Variants in ATP8B3 observed in about 807,000 individuals in gnomAD.
The protein encoded by ATP8B3 is phospholipid-transporting ATPase IK.
In ATP8B3, 141 loss-of-function variants were observed where a neutral mutation model predicts 140.9. That is an observed-to-expected ratio of 1.00 (90% confidence interval 0.87 to 1.15). ATP8B3 has a LOEUF of 1.15. Among genes scored for constraint, ATP8B3 ranks in the 50% most tolerant of loss-of-function variants. The pLI is 0.00. For synonymous variants in ATP8B3, 765 were observed against 714.6 expected (o/e 1.07, Z -1.13); for missense variants, 1,874 against 1,740.6 (o/e 1.08, Z -1.36).
chr19:1,783,327 T>C, intron 28 of ATP8B3, 57 bp from the exon 29 acceptor site: 1 of 1,558,372 alleles, frequency 6.4e-7, no homozygotes, highest in South Asian at 1.2e-5. Context: ...CTGATGGCTC[T>C]CAGGTCCCCC....
At chr19:1,787,301 C>A in intron 24 of ATP8B3, 115 bp from the exon 25 acceptor site, 102 of 683,764 alleles carry the variant, frequency 1.5e-4, no homozygotes, top group Middle Eastern at 3.2e-4. Context: ...GAGTTACACT[C>A]AAGGTTGGGG....
In ATP8B3 at chr19:1,807,121, A is replaced by G; in HGVS notation, c.615+47T>C. The G allele has an allele frequency of 6.6e-7, 1 of 1,520,452 alleles. No individual in the cohort carries two copies. The highest frequency in any genetic ancestry group is 9.1e-7 in the Non-Finnish European group (1 of 1,098,794). 94.2% of individuals were successfully genotyped at this position (1,520,452 alleles called of 1,614,324 possible). On this transcript the variant is annotated intron_variant, in intron 6 of 28. Coordinates refer to ENST00000310127, the MANE Select transcript of ATP8B3 (RefSeq NM_138813.4). The surrounding 1 kb of genome is among the most constrained non-coding windows in gnomAD (Gnocchi z 5.9). ...GCCCAGGGATCAAGAGACCCCCCCG[A>G]CCGGCCCCGCTCCCTCCCCCAGGCA...
rs1253822145 is a variant in ATP8B3, at chr19:1,794,529, G to T, written c.2055+1346C>A. Among the ~76,000 whole-genome samples the T allele has an allele frequency of 6.6e-6, 1 of 151,686 alleles. No homozygotes were observed. The highest frequency in any genetic ancestry group is 2.4e-5 in the African/African-American group (1 of 41,396). ...CCCCAGGCTGGACGCAGAATCCTCTGGCCCTGTAGGGTCAGGGCTGGACCA... is the reference window on the plus strand; with the variant it reads ...CCCCAGGCTGGACGCAGAATCCTCTTGCCCTGTAGGGTCAGGGCTGGACCA... On this transcript the variant is annotated intron_variant, in intron 18 of 28. Transcript: ENST00000310127. This position sits in a 1 kb window ranked among gnomAD's most constrained non-coding sequence, Gnocchi z 4.8.
At position 1,785,689 on chromosome 19, in the gene ATP8B3, C is replaced by T; in HGVS notation, c.3173G>A (p.Ser1058Asn). Residue 1058 changes from serine to asparagine, a missense_variant, in exon 26 of 29, where the codon AGC (serine) becomes AAC (asparagine). Coordinates refer to ENST00000310127, the MANE Select transcript of ATP8B3 (RefSeq NM_138813.4). Reference sequence around the variant, plus strand: ...CACGTACAGCTCCGGCTTCTCCAGGCTCTGCTCTGCGCTCACGTCCTTGGG... The same window carrying T: ...CACGTACAGCTCCGGCTTCTCCAGGTTCTGCTCTGCGCTCACGTCCTTGGG... ...LFEQDVSAEQ[S>N]LEKPELYVVG... The T allele has an allele frequency of 6.2e-7, 1 of 1,609,340 alleles. No homozygotes were observed. The highest frequency in any genetic ancestry group is 1.1e-5 in the South Asian group (1 of 90,344).
Position 1,801,983 on chromosome 19 carries a change from G to A in ATP8B3, c.1125C>T (p.Asp375=), listed in dbSNP as rs941523614. The A allele has an allele frequency of 3.1e-6, 5 of 1,612,674 alleles. No homozygotes were observed. Among genetic ancestry groups the A allele is most frequent in the South Asian group, 2.2e-5 (2 of 91,060 alleles). The stretch of plus-strand genomic sequence containing the variant: ...CAACCACCAGCTTGTTCATCAGGAG[G>A]TCCAGCTTGGTTCTCTTCAAATGGA... ...GKIHLKRTKL[D]LLMNKLVVVI... Residue 375 remains aspartate (D), a synonymous_variant, in exon 12 of 29, where the codon GAC becomes GAT. Transcript: ENST00000310127.
In ATP8B3 at chr19:1,809,688, C is replaced by T. The variant is rs762113658; in HGVS notation, c.357G>A (p.Gln119=). The part of the protein sequence containing the change: ...VQANNRAYNG[Q]FKEKVILCWQ... ...AGCACAGGATCACCTTCTCCTTGAA[C>T]TGCCCGTTGTAGGCACGGTTGTTGG... The change falls in exon 4 of 29, where the codon CAG becomes CAA. Residue 119 remains glutamine, a synonymous_variant. Coordinates refer to ENST00000310127, the MANE Select transcript of ATP8B3 (RefSeq NM_138813.4). 34 of 1,611,600 alleles carry T rather than the reference C, an allele frequency of 2.1e-5. No homozygotes were observed. The highest frequency in any genetic ancestry group is 2.8e-5 in the Non-Finnish European group (33 of 1,179,244).
intron 18 of ATP8B3, among the ~76,000 whole-genome samples, chr19:1,792,915 A>C (rs1439592787): frequency 2.8e-5 from 1 of 35,586 alleles, no homozygotes; most frequent in Admixed American, 3.0e-4. Context: ...ATTCTGTTTC[A>C]AAAAAAAAAA....
intron 3 of ATP8B3, among the ~76,000 whole-genome samples, chr19:1,810,400 A>G (rs2018612): frequency 0.85 from 128,716 of 152,194 alleles, 54,524 homozygotes; most frequent in Middle Eastern, 0.89. Flanking sequence ...CCAAGTAGCT[A>G]GAATTACAGG....
In ATP8B3 at chr19:1,792,007, C is replaced by T. The variant is rs750208415; in HGVS notation, c.2184G>A (p.Leu728=). 35 of 1,438,316 alleles carry T rather than the reference C, an allele frequency of 2.4e-5. No homozygotes were observed. In the South Asian group the frequency reaches 4.2e-4, roughly 17 times the overall value. The allele number at this position is 1,438,316 out of a possible 1,614,324, so 89.1% of individuals were successfully genotyped here. A position where few individuals can be genotyped will look rare whatever the true frequency, so the allele number is the denominator to read the frequency against. Residue 728 remains leucine, a synonymous_variant, in exon 19 of 29, where the codon CTG becomes CTA. Transcript: ENST00000310127. ...GCTCCATCTCGTTGTACACCTGTTG[C>T]AGGGCCTGTGCCCGGTTCTGCAGCA... is the stretch of plus-strand genomic sequence containing the variant. ...SLLLQNRAQA[L]QQLLGATAIE... is the part of the protein sequence containing the mutation.
chr19:1,782,343 G>A lies in ATP8B3; in HGVS notation c.*685C>T. On this transcript the variant is annotated 3_prime_UTR_variant, in exon 29 of 29. Coordinates refer to ENST00000310127, the MANE Select transcript of ATP8B3 (RefSeq NM_138813.4). ...GCAGAGGGCAATGACTGCTCCTCTG[G>A]GGGCAAGGATAGCTGCTCCTCCCCG... 3.3e-6 allele frequency: 1 copy of A among 306,256 alleles called. No individual in the cohort carries two copies. Among genetic ancestry groups the A allele is most frequent in the South Asian group, 1.0e-4 (1 of 9,804 alleles). 19.0% of individuals were successfully genotyped at this position (306,256 alleles called of 1,614,324 possible). A position where few individuals can be genotyped will look rare whatever the true frequency, so the allele number is the denominator to read the frequency against.
At chr19:1,809,962 C>T (rs968775522) in intron 3 of ATP8B3, among the ~76,000 whole-genome samples, 11 of 152,248 alleles carry the variant, frequency 7.2e-5, no homozygotes, top group African/African-American at 2.7e-4. Flanking sequence ...GCCACCCACA[C>T]CCCCAGCCAG....
chr19:1,797,399 G>C (rs1385696405), intron 14 of ATP8B3, among the ~76,000 whole-genome samples: 1 of 152,174 alleles, frequency 6.6e-6, no homozygotes, highest in Non-Finnish European at 1.5e-5. Context: ...GGACAGCCTG[G>C]AGCGGGATGC....
At chr19:1,789,783 C>A in intron 22 of ATP8B3, 56 bp from the exon 23 acceptor site, 1 of 1,558,794 alleles carries the variant, frequency 6.4e-7, no homozygotes, top group Non-Finnish European at 8.6e-7. Context: ...CCAGACTGGA[C>A]CCTACCCGGC....
At position 1,783,236 on chromosome 19, in the gene ATP8B3, A is replaced by G. The variant is rs1386675395; in HGVS notation, c.3695T>C (p.Ile1232Thr). Residue 1232 changes from isoleucine to threonine, a missense_variant, in exon 29 of 29, where the codon ATT becomes ACT. Ile to Thr is a moderately conservative substitution (Grantham distance 89, BLOSUM62 -1). Transcript: ENST00000310127. ...ATGAGGCAAGGGCTCCATGGTGAAA[A>G]TCTCCTCGCTGGGGCCCTCCTCCAC... ...EKVEEGPSEE[I>T]FTMEPLPHVH... 4.3e-6 allele frequency: 7 copies of G among 1,610,658 alleles called. No homozygotes were observed. Among genetic ancestry groups the G allele is most frequent in the Admixed American group, 1.7e-5 (1 of 59,510 alleles).
Position 1,805,889 on chromosome 19 carries a change from C to G in ATP8B3, c.820G>C (p.Gly274Arg). Residue 274 changes from glycine (G) to arginine (R), a missense_variant and splice_region_variant, in exon 9 of 29, where the codon GGG becomes CGG. Coordinates refer to ENST00000310127, the MANE Select transcript of ATP8B3 (RefSeq NM_138813.4). This position sits in a 1 kb window ranked among gnomAD's most constrained non-coding sequence, Gnocchi z 5.2. ...LCYVETVDID[G>R]ETNLKFRQAL... is the part of the protein sequence containing the mutation. ...CCCAGCGATGCCACAGCTCCTCACC[C>G]GTCAATGTCCACCGTCTCCACATAG... 1.9e-6 allele frequency: 3 copies of G among 1,612,908 alleles called. No homozygotes were observed. The highest frequency in any genetic ancestry group is 1.7e-5 in the Admixed American group (1 of 60,014).
chr19:1,782,986 C>T lies in ATP8B3; in HGVS notation c.*42G>A, dbSNP rs1362020446. ...CCTGGGAGGACACCTGCCCCTGTGG[C>T]TGGTGCTTCTTCTTCCCCAGGAAGG... On this transcript the variant is annotated 3_prime_UTR_variant, in exon 29 of 29. Transcript: ENST00000310127. The T allele has an allele frequency of 5.7e-6, 9 of 1,566,498 alleles. No individual in the cohort carries two copies. The highest frequency in any genetic ancestry group is 1.9e-5 in the Admixed American group (1 of 52,872).
chr19:1,810,550 C>A (rs1266403166), intron 3 of ATP8B3, 72 bp downstream of exon 3: 3 of 1,466,574 alleles, frequency 2.0e-6, no homozygotes, highest in East Asian at 5.0e-5. Context: ...AGGGGAGAGC[C>A]ACCACGCCTG....
In ATP8B3 at chr19:1,807,649, G is replaced by A. The variant is rs913962831; in HGVS notation, c.517-383C>T. 2.4e-4 allele frequency among the ~76,000 whole-genome samples: 36 copies of A among 152,300 alleles called. No individual in the cohort carries two copies. The highest frequency in any genetic ancestry group is 1.3e-3 in the East Asian group (7 of 5,186). On this transcript the variant is annotated intron_variant, in intron 5 of 28. Coordinates refer to ENST00000310127, the MANE Select transcript of ATP8B3 (RefSeq NM_138813.4). This position sits in a 1 kb window ranked among gnomAD's most constrained non-coding sequence, Gnocchi z 5.9. Reference sequence around the variant, plus strand: ...TCCACCATCCCCTACCCTGGCACCCGGCCAGCGGCCTGCACACAGTAGGTA... The same window carrying A: ...TCCACCATCCCCTACCCTGGCACCCAGCCAGCGGCCTGCACACAGTAGGTA...
In ATP8B3 at chr19:1,782,906, G is replaced by A; in HGVS notation, c.*122C>T. 4 of 1,320,534 alleles carry A rather than the reference G, an allele frequency of 3.0e-6. No homozygotes were observed. The highest frequency in any genetic ancestry group is 4.1e-6 in the Non-Finnish European group (4 of 976,030). 81.8% of individuals were successfully genotyped at this position (1,320,534 alleles called of 1,614,324 possible). A position where few individuals can be genotyped will look rare whatever the true frequency, so the allele number is the denominator to read the frequency against. On this transcript the variant is annotated 3_prime_UTR_variant, in exon 29 of 29. Transcript: ENST00000310127. ...GGCAGGTTGGTTTTCTGGATGAAGA[G>A]CGGATTGTCTATCCATAGAAAATGA...
Sources: gnomAD v4.1 joint callset for allele counts (sites outside exome capture counted in the v4.1 genomes callset) on GRCh38, gnomAD v4.1.1 for gene constraint, Gnocchi (gnomAD v3.1) non-coding constraint, MANE v1.5 for transcripts, NCBI Gene and HGNC (gene_info 2026-07-23, HGNC 2026-07-21) for gene names.